The following KDM2A variants were observed in gnomAD, a reference collection of about 807,000 sequenced individuals.
The protein encoded by KDM2A is lysine demethylase 2A, also known as lysine-specific demethylase 2A.
A neutral mutation model predicts 137.3 loss-of-function variants in KDM2A; 3 were observed. The observed-to-expected ratio is 0.02, with a 90% CI of 0.01 to 0.06. The LOEUF (loss-of-function observed/expected upper bound fraction) is 0.06, where lower values mean the gene tolerates loss of function less well. Among genes scored for constraint, KDM2A ranks in the 10% least tolerant of loss-of-function variants. The pLI is 1.00. For synonymous variants in KDM2A, 512 were observed against 541.5 expected (o/e 0.95, Z 0.76); for missense variants, 738 against 1,510.6 (o/e 0.49, Z 8.48).
chr11:67,185,877 C>T (rs755931673), intron 5 of KDM2A, among the ~76,000 whole-genome samples: 16 of 151,638 alleles, frequency 1.1e-4, no homozygotes, highest in South Asian at 2.1e-4. Context: ...CAGATGCTGG[C>T]GCCTTGATTT....
intron 5 of KDM2A, chr11:67,196,400 G>A (rs528744293): frequency 1.1e-5 from 5 of 456,012 alleles, no homozygotes; most frequent in Admixed American, 7.0e-5. Flanking sequence ...TTAACCTCTT[G>A]CATAGCTGGG....
chr11:67,217,609 C>A, intron 8 of KDM2A, 122 bp from the exon 9 acceptor site: 1 of 898,524 alleles, frequency 1.1e-6, no homozygotes, highest in Non-Finnish European at 1.8e-6. Flanking sequence ...GTTCTATAGG[C>A]TGGGAAAATT....
chr11:67,227,871 G>A lies in KDM2A; in HGVS notation c.958-166G>A, dbSNP rs538846573. Reference sequence around the variant, plus strand: ...TCAGTGATTGTTTCTCAAGACCAACGTTTTCTAAGTTGATGGTTCTGCTTA... The same window carrying A: ...TCAGTGATTGTTTCTCAAGACCAACATTTTCTAAGTTGATGGTTCTGCTTA... On this transcript the variant is annotated intron_variant, in intron 10 of 20. Transcript: ENST00000529006. 3.3e-5 allele frequency among the ~76,000 whole-genome samples: 5 copies of A among 152,242 alleles called. No individual in the cohort carries two copies. The South Asian group carries it at 8.3e-4, about 25-fold the overall frequency.
chr11:67,252,455 T>C (rs1160662765), intron 17 of KDM2A: 7 of 521,308 alleles, frequency 1.3e-5, no homozygotes, highest in African/African-American at 1.9e-5. Context: ...TAAATCAGGG[T>C]AAAGTGGTCA....
chr11:67,124,931 C>G (rs1187498225), intron 2 of KDM2A, among the ~76,000 whole-genome samples: 1 of 150,434 alleles, frequency 6.6e-6, no homozygotes, highest in East Asian at 2.0e-4. Context: ...GATCTTGGCT[C>G]ACTGCAAGCT....
chr11:67,148,293 C>T (rs1347359420), intron 2 of KDM2A, among the ~76,000 whole-genome samples: 2 of 151,126 alleles, frequency 1.3e-5, no homozygotes, highest in Non-Finnish European at 2.9e-5. Context: ...TGGCGGTGGA[C>T]ACCTGTAGTC....
At chr11:67,237,159 T>G (rs1310808468) in intron 12 of KDM2A, among the ~76,000 whole-genome samples, 2 of 152,176 alleles carry the variant, frequency 1.3e-5, no homozygotes, top group South Asian at 2.1e-4. Flanking sequence ...ATTGGAAAAT[T>G]GTTATTTGTG....
intron 5 of KDM2A, among the ~76,000 whole-genome samples, chr11:67,206,337 A>G (rs1300767315): frequency 6.6e-6 from 1 of 152,238 alleles, no homozygotes; most frequent in Non-Finnish European, 1.5e-5. Context: ...AGGCTGAGGC[A>G]CAAGAATCTC....
intron 15 of KDM2A, among the ~76,000 whole-genome samples, chr11:67,246,857 A>G (rs1025830115): frequency 1.2e-4 from 18 of 151,578 alleles, no homozygotes; most frequent in African/African-American, 3.9e-4. Flanking sequence ...TGAATACTAT[A>G]TAGTAGCAAA....
At chr11:67,165,695 A>G (rs1380382951) in intron 2 of KDM2A, among the ~76,000 whole-genome samples, 1 of 152,056 alleles carries the variant, frequency 6.6e-6, no homozygotes. Context: ...ATCTCCCTTA[A>G]TTCACTTAAA....
intron 15 of KDM2A, among the ~76,000 whole-genome samples, chr11:67,246,891 T>A (rs2136453080): frequency 6.6e-6 from 1 of 151,652 alleles, no homozygotes; most frequent in African/African-American, 2.4e-5. Context: ...CAATAGTAGG[T>A]CAGTATTTGG....
intron 12 of KDM2A, among the ~76,000 whole-genome samples, chr11:67,235,989 G>A (rs1229828968): frequency 6.6e-6 from 1 of 152,204 alleles, no homozygotes; most frequent in Non-Finnish European, 1.5e-5. Flanking sequence ...GGTAGGACAT[G>A]TAACAGTATG....
chr11:67,198,957 T>C (rs945203539), intron 5 of KDM2A, among the ~76,000 whole-genome samples: 1 of 152,014 alleles, frequency 6.6e-6, no homozygotes, highest in Non-Finnish European at 1.5e-5. Context: ...TTTTGTATTT[T>C]TAGTAGAGAT....
intron 6 of KDM2A, among the ~76,000 whole-genome samples, chr11:67,212,330 G>C (rs1858020101): frequency 6.6e-6 from 1 of 152,170 alleles, no homozygotes; most frequent in Admixed American, 6.6e-5. Flanking sequence ...TAGGTTCCGG[G>C]AGGTAAGAAG....
At chr11:67,150,392 A>G (rs1400492880) in intron 2 of KDM2A, among the ~76,000 whole-genome samples, 1 of 152,230 alleles carries the variant, frequency 6.6e-6, no homozygotes, top group African/African-American at 2.4e-5. Context: ...GGGGAAGAGA[A>G]GAGTAATTGA....
At chr11:67,243,994 A>G (rs1236772204) in intron 13 of KDM2A, among the ~76,000 whole-genome samples, 3 of 152,196 alleles carry the variant, frequency 2.0e-5, no homozygotes, top group South Asian at 2.1e-4. Flanking sequence ...TGGCAAATAA[A>G]TGAGGCTTCT....
At chr11:67,141,855 A>G (rs1017361121) in intron 2 of KDM2A, among the ~76,000 whole-genome samples, 1 of 151,550 alleles carries the variant, frequency 6.6e-6, no homozygotes, top group Non-Finnish European at 1.5e-5. Flanking sequence ...TCTGGTGTCC[A>G]TCATTCTGTT....
chr11:67,177,452 GT>G (rs202195285), intron 2 of KDM2A, among the ~76,000 whole-genome samples: 5 of 148,836 alleles, frequency 3.4e-5, no homozygotes, highest in African/African-American at 9.9e-5. Context: ...GTCTACTAAA[GT>G]TTTTTTTTTA....
intron 12 of KDM2A, chr11:67,240,344 A>C: frequency 6.5e-7 from 1 of 1,535,444 alleles, no homozygotes. Context: ...GAGCCTCGGC[A>C]GCTCCAGAGC....
Sources: allele counts gnomAD v4.1 joint callset (sites outside exome capture counted in the v4.1 genomes callset), GRCh38; gene constraint gnomAD v4.1.1; transcripts MANE v1.5; gene names NCBI Gene and HGNC (gene_info 2026-07-23, HGNC 2026-07-21).